Variants in PARD3 observed in about 807,000 individuals in gnomAD.
PARD3 encodes the protein par-3 family cell polarity regulator.
PARD3 carries 75 observed loss-of-function variants against 155.4 expected under a neutral mutation model. The ratio of observed to expected loss-of-function variants is 0.48; its 90% confidence interval spans 0.40 to 0.58. PARD3 has a LOEUF of 0.58. Among genes scored for constraint, PARD3 ranks in the 20% least tolerant of loss-of-function variants. PARD3 has a pLI of 0.00. For missense variants in PARD3, 1,642 were observed against 1,721.7 expected, an observed-to-expected ratio of 0.95 and a Z score of 0.82; for synonymous variants, 576 against 610.5, an observed-to-expected ratio of 0.94 and a Z score of 0.83.
chr10:34,139,686 G>C (rs999599522), intron 22 of PARD3, among the ~76,000 whole-genome samples: 1 of 152,174 alleles, frequency 6.6e-6, no homozygotes, highest in African/African-American at 2.4e-5. Context: ...GTGACCACCA[G>C]CGTCTCAGAT....
intron 7 of PARD3, among the ~76,000 whole-genome samples, chr10:34,393,740 T>C (rs1843058611): frequency 6.6e-6 from 1 of 151,988 alleles, no homozygotes; most frequent in Non-Finnish European, 1.5e-5. Flanking sequence ...AATTAATTAA[T>C]TTAAAATGTT....
At chr10:34,403,102 TA>T (rs1160301393) in intron 5 of PARD3, among the ~76,000 whole-genome samples, 1 of 152,190 alleles carries the variant, frequency 6.6e-6, no homozygotes, top group African/African-American at 2.4e-5. Context: ...TTTTGCTAAT[TA>T]AAGTAAAATC....
intron 4 of PARD3, among the ~76,000 whole-genome samples, chr10:34,451,991 GA>G (rs2077087773): frequency 6.6e-6 from 1 of 151,930 alleles, no homozygotes; most frequent in African/African-American, 2.4e-5. Flanking sequence ...ATACTAATAA[GA>G]AATTCAGATA....
chr10:34,291,010 G>C (rs539385034), intron 20 of PARD3, among the ~76,000 whole-genome samples: 21 of 152,168 alleles, frequency 1.4e-4, no homozygotes, highest in Admixed American at 9.8e-4. Flanking sequence ...TCACCTAAAT[G>C]GTTTTTGATC....
At chr10:34,299,987 A>C (rs907171148) in intron 20 of PARD3, among the ~76,000 whole-genome samples, 21 of 152,260 alleles carry the variant, frequency 1.4e-4, no homozygotes, top group African/African-American at 5.1e-4. Context: ...ATACACTTTC[A>C]GAAATAATTC....
At chr10:34,486,487 A>G (rs1277543137) in intron 3 of PARD3, among the ~76,000 whole-genome samples, 3 of 152,260 alleles carry the variant, frequency 2.0e-5, no homozygotes, top group Admixed American at 6.5e-5. Context: ...AGAAAACTGC[A>G]TGTGCAAAAG....
intron 21 of PARD3, among the ~76,000 whole-genome samples, chr10:34,278,540 G>A (rs1344963355): frequency 6.6e-6 from 1 of 151,994 alleles, no homozygotes; most frequent in Admixed American, 6.6e-5. Flanking sequence ...TCATGGGGGC[G>A]GTTTCCCCCT....
chr10:34,812,472 T>A (rs1251733235), intron 1 of PARD3, among the ~76,000 whole-genome samples: 1 of 152,162 alleles, frequency 6.6e-6, no homozygotes, highest in East Asian at 1.9e-4. Flanking sequence ...TAAAACAGTG[T>A]TAAATACATA....
At chr10:34,334,736 CAAA>C (rs5784410) in intron 18 of PARD3, among the ~76,000 whole-genome samples, 28 of 128,290 alleles carry the variant, frequency 2.2e-4, no homozygotes, top group Non-Finnish European at 3.2e-4. Flanking sequence ...GCACAAAGTG[CAAA>C]AAAAAAAAAA....
intron 2 of PARD3, among the ~76,000 whole-genome samples, chr10:34,553,175 C>G (rs910696664): frequency 6.6e-6 from 1 of 152,162 alleles, no homozygotes; most frequent in African/African-American, 2.4e-5. Flanking sequence ...GGTCAGCAGC[C>G]AGGTTCAGAG....
intron 2 of PARD3, among the ~76,000 whole-genome samples, chr10:34,575,104 C>T (rs896378760): frequency 6.6e-6 from 1 of 152,112 alleles, no homozygotes; most frequent in Non-Finnish European, 1.5e-5. Context: ...CTCAACCTCC[C>T]AAAGTGCTGG....
intron 2 of PARD3, among the ~76,000 whole-genome samples, chr10:34,578,068 T>C (rs903115193): frequency 1.3e-5 from 2 of 151,788 alleles, no homozygotes; most frequent in Non-Finnish European, 2.9e-5. Flanking sequence ...TTTTCTTTTT[T>C]CCTTTGTAGA....
chr10:34,356,631 G>T (rs1040184207), intron 14 of PARD3, among the ~76,000 whole-genome samples: 8 of 152,160 alleles, frequency 5.3e-5, no homozygotes, highest in African/African-American at 1.7e-4. Flanking sequence ...ATTTGTTCAG[G>T]ACAGCAGGAT....
At chr10:34,295,085 A>G (rs958621054) in intron 20 of PARD3, among the ~76,000 whole-genome samples, 2 of 151,852 alleles carry the variant, frequency 1.3e-5, no homozygotes, top group Non-Finnish European at 2.9e-5. Context: ...ATGGCGAGCC[A>G]CCAAAAAAAA....
chr10:34,320,361 C>A (rs1402380606), intron 19 of PARD3, among the ~76,000 whole-genome samples: 1 of 152,152 alleles, frequency 6.6e-6, no homozygotes, highest in African/African-American at 2.4e-5. Flanking sequence ...GTGCTGTATG[C>A]ATCATTTAAT....
chr10:34,381,170 C>T (rs1407742433), intron 9 of PARD3, among the ~76,000 whole-genome samples: 1 of 152,140 alleles, frequency 6.6e-6, no homozygotes, highest in Non-Finnish European at 1.5e-5. Flanking sequence ...TCAGAGTTTA[C>T]AACCTTGTAA....
chr10:34,294,914 CAGAG>C (rs536037683), intron 20 of PARD3, among the ~76,000 whole-genome samples: 428 of 152,212 alleles, frequency 2.8e-3, no homozygotes, highest in Non-Finnish European at 5.0e-3. Context: ...GTTTAACACA[CAGAG>C]AAAGCTGGGC....
At chr10:34,227,881 T>TATATATATATATATATATATAC (rs1199483392) in intron 22 of PARD3, among the ~76,000 whole-genome samples, 139 of 133,670 alleles carry the variant, frequency 1.0e-3, no homozygotes, top group African/African-American at 2.1e-3. Context: ...TATATATATA[T>TATATATATATATATATATATAC]ATACTGGGAA....
rs568672135 is a variant in PARD3 at position 34,662,871 on chromosome 10, G to GAAAAAAAAA, written c.222+33438_222+33446dup. ...TGGGTGACAGTGAGAAACTGTCTCA[G>GAAAAAAAAA]AAAAAAAAAAAAAAAGAATCAAACT... is the stretch of plus-strand genomic sequence containing the variant. On this transcript the variant is annotated intron_variant, in intron 2 of 24. Coordinates refer to ENST00000374788, the MANE Select transcript of PARD3 (RefSeq NM_001184785.2). Among the ~76,000 whole-genome samples, 121 of 123,634 alleles carry GAAAAAAAAA rather than the reference G, an allele frequency of 9.8e-4. 2 individuals are homozygous for GAAAAAAAAA. Among genetic ancestry groups the GAAAAAAAAA allele is most frequent in the African/African-American group, 3.5e-3 (117 of 33,018 alleles). The allele number at this position is 123,634 out of a possible 152,430, so 81.1% of individuals were successfully genotyped here.
Sources: gnomAD v4.1 joint callset for allele counts (sites outside exome capture counted in the v4.1 genomes callset) on GRCh38, gnomAD v4.1.1 for gene constraint, MANE v1.5 for transcripts, NCBI Gene and HGNC (gene_info 2026-07-23, HGNC 2026-07-21) for gene names.